Variants in DNAAF5 observed in about 807,000 individuals in gnomAD.
DNAAF5 encodes HEAT repeat containing 2.
Under a neutral mutation model 75.8 loss-of-function variants are expected in DNAAF5, and 64 were observed. The ratio of observed to expected loss-of-function variants is 0.84; its 90% CI spans 0.69 to 1.04. The LOEUF (loss-of-function observed/expected upper bound fraction) is 1.04. DNAAF5 is among the 50% of genes least tolerant of loss of function. DNAAF5 has a pLI of 0.00. For synonymous variants in DNAAF5, 657 were observed against 557.2 expected, an observed-to-expected ratio of 1.18 and a Z score of -2.52; for missense variants, 1,269 against 1,178.5, an observed-to-expected ratio of 1.08 and a Z score of -1.12.
chr7:769,041 G>A (rs1778458525), intron 8 of DNAAF5: 1 of 649,874 alleles, frequency 1.5e-6, no homozygotes, highest in Admixed American at 2.1e-5. Flanking sequence ...ACACCAGCTG[G>A]TCTCACCGCG....
chr7:752,262 A>G (rs1278118575), intron 4 of DNAAF5, among the ~76,000 whole-genome samples: 3 of 152,282 alleles, frequency 2.0e-5, no homozygotes, highest in African/African-American at 4.8e-5. Context: ...AGGGATCTGA[A>G]GGTAAAGCCC....
rs999941341 is a variant in DNAAF5 at position 754,074 on chromosome 7, C to T, written c.1025-515C>T. On this transcript the variant is annotated intron_variant, in intron 4 of 12. Coordinates refer to ENST00000297440, the MANE Select transcript of DNAAF5 (RefSeq NM_017802.4). This position sits in a 1 kb window ranked among gnomAD's most constrained non-coding sequence, Gnocchi z 4.8. ...GATGGCTTCGCAGGCGTGTGTCTCT[C>T]TGATCATAGGGGGACGGCTTCGCAG... Among the ~76,000 whole-genome samples, 12 of 150,734 alleles carry T rather than the reference C, an allele frequency of 8.0e-5. No homozygotes were observed. Among genetic ancestry groups the T allele is most frequent in the African/African-American group, 2.9e-4 (12 of 40,888 alleles).
chr7:774,647 G>A (rs533425336), intron 10 of DNAAF5, among the ~76,000 whole-genome samples: 1 of 152,134 alleles, frequency 6.6e-6, no homozygotes, highest in Non-Finnish European at 1.5e-5. Context: ...CGCCCGGCGG[G>A]AAGGCGCTGC....
rs915848808 is a variant in DNAAF5, at chr7:726,938, G to C, written c.218G>C (p.Trp73Ser). ...AADPTAFQGP[W>S]ARLLLPRLLR... ...GACCCCACCGCTTTCCAGGGCCCCT[G>C]GGCGCGCCTACTGCTGCCGCGCTTG... The change falls in exon 1 of 13, where the codon TGG becomes TCG. Residue 73 changes from tryptophan to serine, a missense_variant. Transcript: ENST00000297440. 2.1e-5 allele frequency: 28 copies of C among 1,340,958 alleles called. 1 individual carries two copies. Among genetic ancestry groups the C allele is most frequent in the Admixed American group, 3.2e-5 (1 of 31,006 alleles). 83.1% of individuals were successfully genotyped at this position (1,340,958 alleles called of 1,614,324 possible).
At chr7:761,683 C>G (rs976723474) in intron 6 of DNAAF5, 70 bp from the exon 7 acceptor site, 2 of 1,493,318 alleles carry the variant, frequency 1.3e-6, no homozygotes, top group African/African-American at 1.4e-5. Context: ...AGCTACAGTT[C>G]AAGATGGGAT....
chr7:765,075 T>C (rs1475279843), intron 8 of DNAAF5, among the ~76,000 whole-genome samples: 2 of 152,228 alleles, frequency 1.3e-5, no homozygotes. Context: ...GAGCTGTGAC[T>C]GCACTGCTGC....
chr7:763,130 T>C (rs1782718558), intron 7 of DNAAF5, among the ~76,000 whole-genome samples: 1 of 152,112 alleles, frequency 6.6e-6, no homozygotes, highest in Non-Finnish European at 1.5e-5. Context: ...GCCCTCCCCT[T>C]CCTTCTTGGG....
At chr7:774,239 A>G (rs761075093) in intron 10 of DNAAF5, 41 bp downstream of exon 10, 1 of 1,558,422 alleles carries the variant, frequency 6.4e-7, no homozygotes, top group Non-Finnish European at 8.6e-7. Flanking sequence ...CCGGCCGGGG[A>G]CTGCGCAGGC....
intron 9 of DNAAF5, 100 bp from the exon 10 acceptor site, chr7:773,948 C>A (rs1778662238): frequency 7.1e-7 from 1 of 1,399,568 alleles, no homozygotes; most frequent in Middle Eastern, 1.8e-4. Flanking sequence ...GTTCGTTTTC[C>A]TGTTTGGCTC....
intron 6 of DNAAF5, among the ~76,000 whole-genome samples, chr7:760,809 A>G (rs1782621178): frequency 6.6e-6 from 1 of 152,234 alleles, no homozygotes; most frequent in Admixed American, 6.5e-5. Flanking sequence ...CATCCAGCGC[A>G]GCCGTAGGTG....
intron 12 of DNAAF5, among the ~76,000 whole-genome samples, chr7:784,009 C>T (rs1779067914): frequency 9.9e-6 from 1 of 101,406 alleles, no homozygotes; most frequent in Non-Finnish European, 2.0e-5. Flanking sequence ...CACAGATGCC[C>T]TGTACGCCGC....
At chr7:773,921 T>A (rs755383722) in intron 9 of DNAAF5, 127 bp from the exon 10 acceptor site, 24 of 1,040,756 alleles carry the variant, frequency 2.3e-5, no homozygotes, top group Non-Finnish European at 3.5e-5. Flanking sequence ...AGGAGGGGCC[T>A]CGTGTTTTGG....
chr7:767,011 A>C (rs35911516), intron 8 of DNAAF5, among the ~76,000 whole-genome samples: 2 of 152,026 alleles, frequency 1.3e-5, no homozygotes, highest in African/African-American at 2.4e-5. Context: ...AGGCCGAGGC[A>C]GGCAGATCCC....
chr7:780,362 A>G (rs571183753), intron 12 of DNAAF5, among the ~76,000 whole-genome samples: 1 of 152,398 alleles, frequency 6.6e-6, no homozygotes, highest in South Asian at 2.1e-4. Flanking sequence ...CAAAACTGAG[A>G]GTATTCTAGA....
In DNAAF5 at chr7:765,148, G is replaced by A. The variant is rs115559429; in HGVS notation, c.1783+1174G>A. On this transcript the variant is annotated intron_variant, in intron 8 of 12. Transcript: ENST00000297440. The stretch of plus-strand genomic sequence containing the variant: ...AAACCAAACAAAAAACAAAGCTGGC[G>A]ATTGCTGACGTGCACTCGGGGCATT... Among the ~76,000 whole-genome samples, 842 of 152,208 alleles carry A rather than the reference G, an allele frequency of 5.5e-3. 10 individuals carry two copies. The highest frequency in any genetic ancestry group is 0.019 in the African/African-American group (802 of 41,524).
intron 7 of DNAAF5, among the ~76,000 whole-genome samples, chr7:763,482 C>CCCTG (rs1388088643): frequency 6.6e-6 from 1 of 152,246 alleles, no homozygotes; most frequent in East Asian, 1.9e-4. Context: ...CTCAGAGGAG[C>CCCTG]CCTGCCTGCC....
chr7:768,431 C>T (rs954944110), intron 8 of DNAAF5: 1 of 145,576 alleles, frequency 6.9e-6, no homozygotes, highest in African/African-American at 2.6e-5. Context: ...GTCTGTGCTG[C>T]GAGTGGGCGC....
At chr7:747,029 C>T (rs1315974029) in intron 4 of DNAAF5, among the ~76,000 whole-genome samples, 5 of 152,250 alleles carry the variant, frequency 3.3e-5, no homozygotes, top group African/African-American at 1.2e-4. Flanking sequence ...CATCTGGTCA[C>T]CAGCAGGGGC....
chr7:767,875 C>T (rs1476809996), intron 8 of DNAAF5, among the ~76,000 whole-genome samples: 1 of 147,346 alleles, frequency 6.8e-6, no homozygotes, highest in Non-Finnish European at 1.5e-5. Context: ...GGAGGGCAGA[C>T]ACATGGTCCG....
Sources: gnomAD v4.1 joint callset for allele counts (sites outside exome capture counted in the v4.1 genomes callset) on GRCh38, gnomAD v4.1.1 for gene constraint, Gnocchi (gnomAD v3.1) non-coding constraint, MANE v1.5 for transcripts, NCBI Gene and HGNC (gene_info 2026-07-23, HGNC 2026-07-21) for gene names.